MTREX: variants seen among roughly 807,000 people sequenced by gnomAD.
MTREX encodes exosome RNA helicase MTR4.
Under a neutral mutation model 135.4 loss-of-function variants are expected in MTREX, and 76 were observed. The ratio of observed to expected loss-of-function variants is 0.56; its 90% CI spans 0.47 to 0.68. MTREX has a LOEUF of 0.68. Among genes scored for constraint, MTREX ranks in the 30% least tolerant of loss-of-function variants. The probability of loss-of-function intolerance (pLI) is 0.00; values close to 1 mark genes in which losing one functional copy is unlikely to be tolerated. For synonymous variants in MTREX, 404 were observed against 401.6 expected (o/e 1.01, Z -0.07); for missense variants, 920 against 1,262.1 (o/e 0.73, Z 4.11).
intron 16 of MTREX, among the ~76,000 whole-genome samples, chr5:55,375,945 G>A (rs796279344): frequency 9.2e-5 from 14 of 152,276 alleles, no homozygotes; most frequent in African/African-American, 3.1e-4. Context: ...GTGCCATGGC[G>A]ATGAAGCCTT....
intron 18 of MTREX, among the ~76,000 whole-genome samples, chr5:55,380,758 TTTG>T (rs934689717): frequency 7.9e-5 from 12 of 152,174 alleles, no homozygotes; most frequent in African/African-American, 2.7e-4. Context: ...GAGATGTTGG[TTTG>T]TTGTTTTCTT....
chr5:55,392,617 C>T (rs1750588524), intron 19 of MTREX, among the ~76,000 whole-genome samples: 1 of 151,894 alleles, frequency 6.6e-6, no homozygotes. Context: ...AAGCCATCAA[C>T]CCTCAGCTAG....
intron 3 of MTREX, among the ~76,000 whole-genome samples, chr5:55,325,373 C>A (rs1749361602): frequency 6.9e-6 from 1 of 143,942 alleles, no homozygotes; most frequent in East Asian, 2.1e-4. Flanking sequence ...ACTATGTCAT[C>A]CAGGCTGGAG....
At chr5:55,391,232 G>T (rs953747430) in intron 19 of MTREX, among the ~76,000 whole-genome samples, 2 of 152,092 alleles carry the variant, frequency 1.3e-5, no homozygotes, top group African/African-American at 2.4e-5. Context: ...CTTGAGCCCA[G>T]GAGTTCAAGA....
At chr5:55,424,657 G>T (rs1009419302) in intron 26 of MTREX, 63 bp from the exon 27 acceptor site, 3 of 1,221,334 alleles carry the variant, frequency 2.5e-6, no homozygotes, top group South Asian at 2.4e-5. Flanking sequence ...TTAAAATTTC[G>T]GTAGAGGCAA....
intron 25 of MTREX, 46 bp downstream of exon 25, chr5:55,416,178 A>C: frequency 8.1e-7 from 1 of 1,237,174 alleles, no homozygotes; most frequent in Non-Finnish European, 1.1e-6. Context: ...TAAGAAATAC[A>C]GTTAGGATGG....
At chr5:55,365,845 G>A (rs1004840978) in intron 15 of MTREX, among the ~76,000 whole-genome samples, 3 of 152,030 alleles carry the variant, frequency 2.0e-5, no homozygotes, top group African/African-American at 7.2e-5. Flanking sequence ...CAAAAAATTA[G>A]CTGGGCCTGG....
rs11341721 is a variant in MTREX, at chr5:55,315,860, G to GA, written c.135-6450dup. Reference sequence around the variant, plus strand: ...GGATGATACAGCTGGGACCCAACTTGAAAAAAAAAAAAAAAAACCTGTGGA... The same window carrying GA: ...GGATGATACAGCTGGGACCCAACTTGAAAAAAAAAAAAAAAAAACCTGTGGA... On this transcript the variant is annotated intron_variant, in intron 1 of 26. Coordinates refer to ENST00000230640, the MANE Select transcript of MTREX (RefSeq NM_015360.5). Among the ~76,000 whole-genome samples the GA allele has an allele frequency of 7.6e-3, 732 of 96,764 alleles. 2 individuals are homozygous for GA. The highest frequency in any genetic ancestry group is 0.052 in the Middle Eastern group (8 of 154). 63.5% of individuals were successfully genotyped at this position (96,764 alleles called of 152,430 possible).
At chr5:55,379,794 A>G (rs1750364829) in intron 18 of MTREX, among the ~76,000 whole-genome samples, 1 of 152,222 alleles carries the variant, frequency 6.6e-6, no homozygotes, top group Non-Finnish European at 1.5e-5. Context: ...TACGTAACCC[A>G]AGATGGAAAA....
At chr5:55,333,996 A>C (rs999583637) in intron 5 of MTREX, among the ~76,000 whole-genome samples, 1 of 152,164 alleles carries the variant, frequency 6.6e-6, no homozygotes, top group Non-Finnish European at 1.5e-5. Flanking sequence ...AGACAGTGGA[A>C]TATTACTCTG....
At chr5:55,351,784 G>T (rs958834250) in intron 13 of MTREX, among the ~76,000 whole-genome samples, 31 of 151,368 alleles carry the variant, frequency 2.0e-4, no homozygotes, top group African/African-American at 7.3e-4. Flanking sequence ...CAAGAAATGG[G>T]ATATTAAAAA....
intron 11 of MTREX, among the ~76,000 whole-genome samples, chr5:55,347,422 G>A (rs1443652597): frequency 1.3e-5 from 2 of 152,010 alleles, no homozygotes; most frequent in African/African-American, 4.8e-5. Flanking sequence ...CTTTGTTACC[G>A]TAAACTCCTC....
At position 55,308,094 on chromosome 5, in the gene MTREX, G is replaced by C. The variant is rs748370811; in HGVS notation, c.81G>C (p.Lys27Asn). ...STTAAGTKKD[K>N]EKDKGKWKGP... Reference sequence around the variant, plus strand: ...CTGCGGCGGGAACCAAAAAAGACAAGGAAAAGGACAAGGGGAAATGGAAGG... The same window carrying C: ...CTGCGGCGGGAACCAAAAAAGACAACGAAAAGGACAAGGGGAAATGGAAGG... The change falls in exon 1 of 27, where the codon AAG (lysine) becomes AAC (asparagine). Residue 27 changes from lysine to asparagine, a missense_variant. Coordinates refer to ENST00000230640, the MANE Select transcript of MTREX (RefSeq NM_015360.5). The C allele has an allele frequency of 2.5e-6, 4 of 1,613,944 alleles. No homozygotes were observed. The highest frequency in any genetic ancestry group is 2.2e-5 in the South Asian group (2 of 91,070).
chr5:55,410,477 T>C (rs375332868), intron 22 of MTREX, 47 bp from the exon 23 acceptor site: 3 of 1,116,990 alleles, frequency 2.7e-6, no homozygotes, highest in South Asian at 1.3e-5. Flanking sequence ...TGTGTGCATG[T>C]GTGTCTTTAT....
chr5:55,316,830 G>C (rs1749206188), intron 1 of MTREX, among the ~76,000 whole-genome samples: 1 of 152,202 alleles, frequency 6.6e-6, no homozygotes, highest in South Asian at 2.1e-4. Context: ...AATAGGAAGA[G>C]AGGAAGTCAA....
At chr5:55,393,030 A>AAAG (rs1750594835) in intron 19 of MTREX, among the ~76,000 whole-genome samples, 3 of 152,174 alleles carry the variant, frequency 2.0e-5, no homozygotes, top group African/African-American at 7.2e-5. Flanking sequence ...AATTCTATGG[A>AAAG]AATAGGCCTT....
chr5:55,352,065 T>G (rs1239831272), intron 13 of MTREX, among the ~76,000 whole-genome samples: 1 of 151,858 alleles, frequency 6.6e-6, no homozygotes, highest in Non-Finnish European at 1.5e-5. Context: ...TTTGTTTTTT[T>G]GTAGAGATGG....
chr5:55,348,774 A>G (rs560189030), intron 11 of MTREX, among the ~76,000 whole-genome samples: 42 of 152,340 alleles, frequency 2.8e-4, no homozygotes, highest in African/African-American at 9.9e-4. Flanking sequence ...GCAGGGTTGC[A>G]TACTGATTAA....
At chr5:55,366,028 AAG>A (rs911547581) in intron 15 of MTREX, among the ~76,000 whole-genome samples, 2 of 152,070 alleles carry the variant, frequency 1.3e-5, no homozygotes, top group South Asian at 2.1e-4. Context: ...ACACTGCTGA[AAG>A]AGAAGTTTAT....
Sources: allele counts gnomAD v4.1 joint callset (sites outside exome capture counted in the v4.1 genomes callset), GRCh38; gene constraint gnomAD v4.1.1; transcripts MANE v1.5; gene names NCBI Gene and HGNC (gene_info 2026-07-23, HGNC 2026-07-21).